CACNA1B: variants seen among roughly 807,000 people sequenced by gnomAD.
The protein encoded by CACNA1B is calcium voltage-gated channel subunit alpha1 B.
CACNA1B carries 70 observed loss-of-function variants against 247.2 expected under a neutral mutation model. That is an observed-to-expected ratio of 0.28 (90% CI 0.23 to 0.35). The LOEUF (loss-of-function observed/expected upper bound fraction) is 0.35. Ranked by LOEUF, CACNA1B falls within the 10% of genes least tolerant of loss-of-function variation. CACNA1B has a pLI of 1.00. For missense variants in CACNA1B, 2,367 were observed against 3,197.4 expected (o/e 0.74, Z 6.26); for synonymous variants, 1,231 against 1,294.4 (o/e 0.95, Z 1.05).
At chr9:137,892,097 C>A (rs1379632246) in intron 3 of CACNA1B, 1 of 457,202 alleles carries the variant, frequency 2.2e-6, no homozygotes, top group Non-Finnish European at 4.4e-6. Flanking sequence ...CCTCCTCCCT[C>A]CCCGAGAAGT....
chr9:138,071,942 G>A lies in CACNA1B; in HGVS notation c.4675-1546G>A, dbSNP rs116022745. Among the ~76,000 whole-genome samples, 1,328 of 152,086 alleles carry A rather than the reference G, an allele frequency of 8.7e-3. 13 individuals are homozygous for A. The highest frequency in any genetic ancestry group is 0.03 in the African/African-American group (1,242 of 41,468). On this transcript the variant is annotated intron_variant, in intron 32 of 46. Coordinates refer to ENST00000371372, the MANE Select transcript of CACNA1B (RefSeq NM_000718.4). Reference sequence around the variant, plus strand: ...ATCTTACATAAGGGTCTCTTGACACGGGACTGCGGCCCTCCACCCCTGCAC... The same window carrying A: ...ATCTTACATAAGGGTCTCTTGACACAGGACTGCGGCCCTCCACCCCTGCAC...
At chr9:138,095,666 A>G (rs1056518933) in intron 36 of CACNA1B, among the ~76,000 whole-genome samples, 1 of 152,236 alleles carries the variant, frequency 6.6e-6, no homozygotes, top group Non-Finnish European at 1.5e-5. Context: ...AAACTTGTAC[A>G]TGAATGTTTA....
In CACNA1B at chr9:138,122,357, G is replaced by A. The variant is rs41290005; in HGVS notation, c.*358G>A. On this transcript the variant is annotated 3_prime_UTR_variant, in exon 47 of 47. Transcript: ENST00000371372. ...TTGGAGCCGTTGTGAGGAGCTCTGC[G>A]TCCTGTGGGGAGCACCCTTCACGTG... 1,038 of 294,124 alleles carry A rather than the reference G, an allele frequency of 3.5e-3. 4 individuals are homozygous for A. The highest frequency in any genetic ancestry group is 5.2e-3 in the African/African-American group (244 of 46,962). 18.2% of individuals were successfully genotyped at this position (294,124 alleles called of 1,614,324 possible).
At chr9:137,937,520 A>G (rs1589018752) in intron 6 of CACNA1B, among the ~76,000 whole-genome samples, 1 of 152,192 alleles carries the variant, frequency 6.6e-6, no homozygotes, top group African/African-American at 2.4e-5. Context: ...TATTTGGGGA[A>G]ATAATCAAGG....
chr9:138,015,759 G>A (rs899722496), intron 18 of CACNA1B, among the ~76,000 whole-genome samples: 2 of 152,214 alleles, frequency 1.3e-5, no homozygotes, highest in African/African-American at 2.4e-5. Flanking sequence ...ATGCAGTGCT[G>A]TGCGTATCCT....
At chr9:137,890,886 C>G (rs1957088995) in intron 3 of CACNA1B, 1 of 152,564 alleles carries the variant, frequency 6.6e-6, no homozygotes, top group South Asian at 2.1e-4. Flanking sequence ...AGCCCAGGAC[C>G]CAGCTCTGAG....
At position 137,952,357 on chromosome 9, in the gene CACNA1B, G is replaced by A. The variant is rs770433478; in HGVS notation, c.1050G>A (p.Leu350=). Residue 350 remains leucine (L), a synonymous_variant, in exon 7 of 47, where the codon CTG becomes CTA. Transcript: ENST00000371372. This position sits in a 1 kb window ranked among gnomAD's most constrained non-coding sequence, Gnocchi z 4.8. ...TCGGCTCCTTCTTCATGCTCAACCT[G>A]GTGCTGGGCGTGCTCTCGGGGTGAG... ...IIIGSFFMLN[L]VLGVLSGEFA... The A allele has an allele frequency of 1.2e-6, 2 of 1,613,482 alleles. No individual in the cohort carries two copies. Among genetic ancestry groups the A allele is most frequent in the South Asian group, 1.1e-5 (1 of 91,050 alleles).
At position 137,899,921 on chromosome 9, in the gene CACNA1B, G is replaced by T. The variant is rs1957213346; in HGVS notation, c.531-13259G>T. Among the ~76,000 whole-genome samples the T allele has an allele frequency of 6.6e-6, 1 of 152,188 alleles. No individual in the cohort carries two copies. Among genetic ancestry groups the T allele is most frequent in the African/African-American group, 2.4e-5 (1 of 41,446 alleles). The stretch of plus-strand genomic sequence containing the variant: ...GGCTGGTCCAGGTTGATGGGGCGTG[G>T]GTAGGGCTCTGTGCCACAGGGACGG... On this transcript the variant is annotated intron_variant, in intron 3 of 46. Transcript: ENST00000371372. This position sits in a 1 kb window ranked among gnomAD's most constrained non-coding sequence, Gnocchi z 5.0.
At chr9:138,113,997 G>C (rs1961763898) in intron 40 of CACNA1B, among the ~76,000 whole-genome samples, 1 of 149,028 alleles carries the variant, frequency 6.7e-6, no homozygotes, top group East Asian at 2.0e-4. Context: ...AGGGAGCGCA[G>C]GAAGGTGCCC....
At chr9:138,089,915 A>G (rs1399895456) in intron 36 of CACNA1B, among the ~76,000 whole-genome samples, 1 of 152,222 alleles carries the variant, frequency 6.6e-6, no homozygotes, top group Non-Finnish European at 1.5e-5. Flanking sequence ...CTCTACAAAG[A>G]AAACTATAAA....
In CACNA1B at chr9:138,059,129, C is replaced by G; in HGVS notation, c.4524C>G (p.Ile1508Met). 1.9e-6 allele frequency: 3 copies of G among 1,612,964 alleles called. No individual in the cohort carries two copies. Among genetic ancestry groups the G allele is most frequent in the Non-Finnish European group, 2.5e-6 (3 of 1,179,038 alleles). Reference protein sequence around the residue: ...EYELMLKCLNIVFTSMFSMEC... With the variant: ...EYELMLKCLNMVFTSMFSMEC... ...AGCTGATGCTGAAATGCCTGAACAT[C>G]GTGTTCACATCCATGTTCTCCATGG... Residue 1508 changes from isoleucine to methionine, a missense_variant, in exon 30 of 47, where the codon ATC (isoleucine) becomes ATG (methionine). This residue lies in a region of CACNA1B where 436 missense variants were observed against 679.5 expected (regional missense o/e 0.64). Coordinates refer to ENST00000371372, the MANE Select transcript of CACNA1B (RefSeq NM_000718.4). The surrounding 1 kb of genome is among the most constrained non-coding windows in gnomAD (Gnocchi z 4.2).
intron 36 of CACNA1B, among the ~76,000 whole-genome samples, chr9:138,080,310 A>T (rs559964229): frequency 1.4e-4 from 21 of 152,166 alleles, no homozygotes; most frequent in Non-Finnish European, 8.8e-5. Flanking sequence ...TCTCGTGAGG[A>T]CATGTTTTGG....
intron 6 of CACNA1B, among the ~76,000 whole-genome samples, chr9:137,926,622 A>C (rs1216327885): frequency 6.6e-6 from 1 of 152,224 alleles, no homozygotes; most frequent in Non-Finnish European, 1.5e-5. Flanking sequence ...GTTTTGCACA[A>C]TAGTTGTACC....
rs1393489736 is a variant in CACNA1B at position 137,954,980 on chromosome 9, C to G, written c.1071-718C>G. 6.6e-6 allele frequency among the ~76,000 whole-genome samples: 1 copy of G among 151,226 alleles called. No homozygotes were observed. The highest frequency in any genetic ancestry group is 6.6e-5 in the Admixed American group (1 of 15,170). Reference sequence around the variant, plus strand: ...GCTTGGCCAGGAGGCTGGGGCTGGGCTGGGGATGCTGAGCTGGAAGGGCAA... The same window carrying G: ...GCTTGGCCAGGAGGCTGGGGCTGGGGTGGGGATGCTGAGCTGGAAGGGCAA... On this transcript the variant is annotated intron_variant, in intron 7 of 46. Transcript: ENST00000371372. The surrounding 1 kb of genome is among the most constrained non-coding windows in gnomAD (Gnocchi z 4.1).
intron 3 of CACNA1B, among the ~76,000 whole-genome samples, chr9:137,905,315 T>A (rs1957286064): frequency 6.7e-6 from 1 of 150,036 alleles, no homozygotes; most frequent in African/African-American, 2.5e-5. Flanking sequence ...ATTGTGCCAC[T>A]GCACTCCAGC....
intron 15 of CACNA1B, among the ~76,000 whole-genome samples, chr9:137,989,297 G>T (rs532628633): frequency 1.3e-5 from 2 of 152,180 alleles, no homozygotes; most frequent in East Asian, 1.9e-4. Flanking sequence ...TGAACCGTAC[G>T]CCGGGTGTGA....
intron 36 of CACNA1B, among the ~76,000 whole-genome samples, chr9:138,094,556 T>C (rs1960997949): frequency 6.6e-6 from 1 of 151,882 alleles, no homozygotes; most frequent in African/African-American, 2.4e-5. Flanking sequence ...ATTGCCCTTA[T>C]ATCATGGTCA....
chr9:138,055,072 G>A (rs1959444588), intron 26 of CACNA1B, among the ~76,000 whole-genome samples: 3 of 151,858 alleles, frequency 2.0e-5, no homozygotes, highest in Admixed American at 2.0e-4. Context: ...TCCTCTGAAT[G>A]GTGCTTTCTA....
At chr9:138,047,067 C>A in intron 22 of CACNA1B, 34 bp downstream of exon 22, 1 of 1,580,358 alleles carries the variant, frequency 6.3e-7, no homozygotes, top group Non-Finnish European at 8.6e-7. Context: ...CCCCGCCAGG[C>A]TGTGGCGGGG....
Sources: gnomAD v4.1 joint callset for allele counts (sites outside exome capture counted in the v4.1 genomes callset) on GRCh38, gnomAD v4.1.1 for gene constraint, gnomAD v4.1.1 regional missense constraint, Gnocchi (gnomAD v3.1) non-coding constraint, MANE v1.5 for transcripts, NCBI Gene and HGNC (gene_info 2026-07-23, HGNC 2026-07-21) for gene names.